Variants in UBASH3B observed in about 807,000 individuals in gnomAD.
UBASH3B encodes the protein ubiquitin-associated and SH3 domain-containing protein B.
Under a neutral mutation model 83.4 loss-of-function variants are expected in UBASH3B, and 37 were observed. The ratio of observed to expected loss-of-function variants is 0.44; its 90% CI spans 0.34 to 0.58. The LOEUF is 0.58. UBASH3B is among the 20% of genes least tolerant of loss of function. The pLI, the probability that UBASH3B is intolerant of heterozygous loss-of-function variation, is 0.01. For missense variants in UBASH3B, 657 were observed against 827.2 expected (o/e 0.79, Z 2.52); for synonymous variants, 304 against 318.3 (o/e 0.96, Z 0.48).
chr11:122,766,638 G>T (rs1052879483), intron 1 of UBASH3B, among the ~76,000 whole-genome samples: 2 of 152,214 alleles, frequency 1.3e-5, no homozygotes, highest in African/African-American at 2.4e-5. Flanking sequence ...AGCTACTCAG[G>T]AGGCTGAGGC....
At chr11:122,723,389 T>C (rs2135945812) in intron 1 of UBASH3B, among the ~76,000 whole-genome samples, 1 of 152,374 alleles carries the variant, frequency 6.6e-6, no homozygotes. Flanking sequence ...CTAAAGCCTT[T>C]GTCTCCAAAC....
rs577312594 is a variant in UBASH3B at position 122,704,411 on chromosome 11, G to C, written c.161+48201G>C. ...AGCACCTGAGCATGGGGGAACCGAA[G>C]GGCTTTAGTTGCAGAAGATAAGCGA... is the stretch of plus-strand genomic sequence containing the variant. On this transcript the variant is annotated intron_variant, in intron 1 of 13. Transcript: ENST00000284273. Among the ~76,000 whole-genome samples the C allele has an allele frequency of 9.2e-5, 14 of 152,324 alleles. No homozygotes were observed. The South Asian group carries it at 2.7e-3, about 29-fold the overall frequency.
chr11:122,723,536 A>G (rs1479524027), intron 1 of UBASH3B, among the ~76,000 whole-genome samples: 2 of 152,210 alleles, frequency 1.3e-5, no homozygotes, highest in Non-Finnish European at 2.9e-5. Flanking sequence ...CCCTGCGAGC[A>G]GCAATAAGCA....
intron 1 of UBASH3B, among the ~76,000 whole-genome samples, chr11:122,662,224 T>A (rs948077661): frequency 5.3e-5 from 8 of 151,896 alleles, no homozygotes; most frequent in Non-Finnish European, 1.2e-4. Flanking sequence ...GTGCTTTTTT[T>A]AAAAAAACTT....
At chr11:122,704,657 G>A (rs992219967) in intron 1 of UBASH3B, among the ~76,000 whole-genome samples, 6 of 151,782 alleles carry the variant, frequency 4.0e-5, no homozygotes, top group African/African-American at 9.7e-5. Flanking sequence ...CTACAGGCAC[G>A]CACCACCATG....
chr11:122,727,106 A>G (rs35714343), intron 1 of UBASH3B, among the ~76,000 whole-genome samples: 47,755 of 152,150 alleles, frequency 0.31, 8,606 homozygotes, highest in Middle Eastern at 0.48. Context: ...AGCCTTAATT[A>G]GCAGCCCCAG....
At chr11:122,661,903 T>A (rs1863447111) in intron 1 of UBASH3B, among the ~76,000 whole-genome samples, 1 of 127,558 alleles carries the variant, frequency 7.8e-6, no homozygotes, top group African/African-American at 2.9e-5. Context: ...ATATGCTTTT[T>A]TTCTTTTTTT....
chr11:122,674,266 G>A (rs1177196530), intron 1 of UBASH3B, among the ~76,000 whole-genome samples: 1 of 152,082 alleles, frequency 6.6e-6, no homozygotes, highest in Non-Finnish European at 1.5e-5. Context: ...CTGAAGAGCT[G>A]GATTTTGTCA....
chr11:122,801,420 C>G, intron 11 of UBASH3B, 88 bp downstream of exon 11: 1 of 1,468,852 alleles, frequency 6.8e-7, no homozygotes, highest in Non-Finnish European at 9.2e-7. Flanking sequence ...GGAGCCAGGG[C>G]TGGACATCAC....
intron 1 of UBASH3B, among the ~76,000 whole-genome samples, chr11:122,717,780 T>C (rs1860550124): frequency 6.6e-6 from 1 of 152,118 alleles, no homozygotes. Flanking sequence ...GGGGGCCCGG[T>C]CAACCACCAG....
rs371995593 is a variant in UBASH3B, at chr11:122,796,191, G to A, written c.1149G>A (p.Lys383=). 103 of 1,614,176 alleles carry A rather than the reference G, an allele frequency of 6.4e-5. No homozygotes were observed. The African/African-American group carries it at 1.3e-3, about 20-fold the overall frequency. The change falls in exon 8 of 14, where the codon AAG becomes AAA. Residue 383 remains lysine, a synonymous_variant. Transcript: ENST00000284273. ...LRVNSQPGPQ[K]RCLFVCRHGE... Reference sequence around the variant, plus strand: ...TCAACAGCCAGCCCGGCCCCCAGAAGCGATGCCTTTTTGTGTGTCGGCATG... The same window carrying A: ...TCAACAGCCAGCCCGGCCCCCAGAAACGATGCCTTTTTGTGTGTCGGCATG...
intron 6 of UBASH3B, among the ~76,000 whole-genome samples, chr11:122,792,507 C>T (rs71488378): frequency 2.6e-5 from 4 of 151,864 alleles, no homozygotes; most frequent in Non-Finnish European, 4.4e-5. Flanking sequence ...TGAATAGAGA[C>T]GGGGTTTCAC....
intron 1 of UBASH3B, among the ~76,000 whole-genome samples, chr11:122,707,149 A>G (rs1471184241): frequency 6.6e-6 from 1 of 151,448 alleles, no homozygotes; most frequent in East Asian, 1.9e-4. Flanking sequence ...CACACAATCC[A>G]CCCCCGCCTA....
intron 1 of UBASH3B, among the ~76,000 whole-genome samples, chr11:122,742,095 G>A (rs1475245487): frequency 6.6e-6 from 1 of 152,208 alleles, no homozygotes; most frequent in East Asian, 1.9e-4. Context: ...CACAGTCCAA[G>A]GTCTTCTCAG....
At chr11:122,699,524 TTTCTTTCTC>T in intron 1 of UBASH3B, among the ~76,000 whole-genome samples, 1 of 95,006 alleles carries the variant, frequency 1.1e-5, no homozygotes, top group Non-Finnish European at 2.1e-5. Context: ...TTTCTCTTTC[TTTCTTTCTC>T]TTTCTTTCTT....
chr11:122,798,958 G>A lies in UBASH3B; in HGVS notation c.1374G>A (p.Glu458=). Residue 458 remains glutamate, a synonymous_variant, in exon 10 of 14, where the codon GAG becomes GAA. Transcript: ENST00000284273. ...TCTTTGCAGGTGAAGCCTTATTAGA[G>A]AGCAATACCATTATCGATCATGTCT... ...QARLVGEALL[E]SNTIIDHVYC... 6.2e-7 allele frequency: 1 copy of A among 1,613,936 alleles called. No individual in the cohort carries two copies. Among genetic ancestry groups the A allele is most frequent in the Non-Finnish European group, 8.5e-7 (1 of 1,179,936 alleles).
At chr11:122,747,980 A>G (rs1861145460) in intron 1 of UBASH3B, among the ~76,000 whole-genome samples, 2 of 152,256 alleles carry the variant, frequency 1.3e-5, no homozygotes, top group Admixed American at 6.5e-5. Flanking sequence ...TAGTACATAC[A>G]CCACGTTACA....
At chr11:122,755,165 T>C (rs1861263426) in intron 1 of UBASH3B, among the ~76,000 whole-genome samples, 2 of 152,148 alleles carry the variant, frequency 1.3e-5, no homozygotes, top group Admixed American at 6.5e-5. Context: ...GTTTCAATGA[T>C]GCCCCAGAGC....
intron 1 of UBASH3B, among the ~76,000 whole-genome samples, chr11:122,676,847 C>T (rs112533112): frequency 6.6e-6 from 1 of 152,322 alleles, no homozygotes; most frequent in Non-Finnish European, 1.5e-5. Context: ...CTTTGCCTCC[C>T]GCCCCCAGGC....
Sources: gnomAD v4.1 joint callset for allele counts (sites outside exome capture counted in the v4.1 genomes callset) on GRCh38, gnomAD v4.1.1 for gene constraint, MANE v1.5 for transcripts, NCBI Gene and HGNC (gene_info 2026-07-23, HGNC 2026-07-21) for gene names.